Variants in ANXA10 observed in about 807,000 individuals in gnomAD.
ANXA10 encodes annexin A10, also known as annexin 14.
Under a neutral mutation model 53.5 loss-of-function variants are expected in ANXA10, and 49 were observed. The observed-to-expected ratio is 0.92, with a 90% CI of 0.73 to 1.16. The LOEUF (loss-of-function observed/expected upper bound fraction) is 1.16, where lower values mean the gene tolerates loss of function less well. Ranked by LOEUF, ANXA10 falls within the 50% of genes most tolerant of loss-of-function variation. The pLI, the probability that ANXA10 is intolerant of heterozygous loss-of-function variation, is 0.00. For synonymous variants in ANXA10, 131 were observed against 128.9 expected (o/e 1.02, Z -0.11); for missense variants, 393 against 394.4 (o/e 1.00, Z 0.03).
At position 168,168,892 on chromosome 4, in the gene ANXA10, G is replaced by C. The variant is rs72987485; in HGVS notation, c.480+3566G>C. 6.5e-3 allele frequency among the ~76,000 whole-genome samples: 988 copies of C among 152,230 alleles called. 10 individuals carry two copies. Among genetic ancestry groups the C allele is most frequent in the African/African-American group, 0.023 (935 of 41,542 alleles). The stretch of plus-strand genomic sequence containing the variant: ...GGAAGCATATATAAACAAAGAATTT[G>C]CTTTGTTGTGTTTGGTTTTGGTTTG... On this transcript the variant is annotated intron_variant, in intron 6 of 11. Coordinates refer to ENST00000359299, the MANE Select transcript of ANXA10 (RefSeq NM_007193.5).
chr4:168,104,033 G>T (rs749955306), intron 1 of ANXA10, among the ~76,000 whole-genome samples: 1 of 151,726 alleles, frequency 6.6e-6, no homozygotes, highest in African/African-American at 2.4e-5. Context: ...TTAGATGTAG[G>T]GTTTTTGTAG....
chr4:168,146,392 T>C (rs890259265), intron 3 of ANXA10, among the ~76,000 whole-genome samples: 4 of 152,196 alleles, frequency 2.6e-5, no homozygotes, highest in Non-Finnish European at 4.4e-5. Context: ...CAGAACTCTA[T>C]GAGGTAATCA....
chr4:168,141,150 C>G (rs1415298946), intron 3 of ANXA10, among the ~76,000 whole-genome samples: 1 of 152,168 alleles, frequency 6.6e-6, no homozygotes, highest in African/African-American at 2.4e-5. Flanking sequence ...CATATAAAGT[C>G]TCAGAGTTTG....
intron 1 of ANXA10, among the ~76,000 whole-genome samples, chr4:168,101,612 G>A (rs751120127): frequency 5.9e-5 from 9 of 151,686 alleles, no homozygotes; most frequent in African/African-American, 2.2e-4. Flanking sequence ...TCTCCAAAAC[G>A]CCCTGATTCC....
At chr4:168,154,310 T>C (rs1433604896) in intron 3 of ANXA10, among the ~76,000 whole-genome samples, 5 of 152,176 alleles carry the variant, frequency 3.3e-5, no homozygotes, top group Non-Finnish European at 7.4e-5. Flanking sequence ...CATTCATGTA[T>C]GTATTATTTA....
chr4:168,162,126 G>A (rs923204719), intron 3 of ANXA10, among the ~76,000 whole-genome samples: 1 of 152,076 alleles, frequency 6.6e-6, no homozygotes, highest in African/African-American at 2.4e-5. Flanking sequence ...CTGTTGCAAT[G>A]ATAAAATAAA....
intron 1 of ANXA10, among the ~76,000 whole-genome samples, chr4:168,102,528 C>T (rs751242546): frequency 6.6e-5 from 10 of 152,032 alleles, no homozygotes; most frequent in Non-Finnish European, 1.0e-4. Flanking sequence ...TGGCTTCCTC[C>T]GCTTAGTAGA....
At chr4:168,174,243 T>A (rs375286849) in intron 6 of ANXA10, among the ~76,000 whole-genome samples, 3 of 152,200 alleles carry the variant, frequency 2.0e-5, no homozygotes, top group African/African-American at 4.8e-5. Context: ...TGGCTCCACA[T>A]GCCCCCTTTA....
intron 1 of ANXA10, among the ~76,000 whole-genome samples, chr4:168,120,511 T>C (rs1452436950): frequency 6.6e-6 from 1 of 152,054 alleles, no homozygotes; most frequent in African/African-American, 2.4e-5. Context: ...TATATTTCTA[T>C]AAATTTATTG....
chr4:168,098,794 C>G (rs1239543517), intron 1 of ANXA10, among the ~76,000 whole-genome samples: 1 of 148,148 alleles, frequency 6.8e-6, no homozygotes, highest in African/African-American at 2.5e-5. Flanking sequence ...TGGAAGGAAC[C>G]AGAAAAAAAA....
chr4:168,145,344 TA>T (rs1464954214), intron 3 of ANXA10, among the ~76,000 whole-genome samples: 1 of 152,270 alleles, frequency 6.6e-6, no homozygotes, highest in African/African-American at 2.4e-5. Flanking sequence ...TGCTAACCCA[TA>T]ATTTCTAATC....
intron 1 of ANXA10, among the ~76,000 whole-genome samples, chr4:168,111,117 A>G (rs4692853): frequency 0.52 from 78,621 of 151,986 alleles, 21,165 homozygotes; most frequent in Non-Finnish European, 0.6. Flanking sequence ...AAGTTGCTGA[A>G]ATTTTAGAAT....
chr4:168,183,179 T>A (rs1732295173), intron 10 of ANXA10, among the ~76,000 whole-genome samples: 2 of 152,158 alleles, frequency 1.3e-5, no homozygotes, highest in South Asian at 4.1e-4. Context: ...CAGATATACT[T>A]CTTAAAAGTA....
chr4:168,172,476 C>T (rs527856930), intron 6 of ANXA10, among the ~76,000 whole-genome samples: 9 of 152,158 alleles, frequency 5.9e-5, no homozygotes, highest in Non-Finnish European at 1.2e-4. Flanking sequence ...AAAATCTTCC[C>T]ACATCCACTG....
chr4:168,175,528 ATC>A (rs1732110391), intron 6 of ANXA10, among the ~76,000 whole-genome samples: 1 of 152,190 alleles, frequency 6.6e-6, no homozygotes. Context: ...TTCACTTAAT[ATC>A]TCTAATTTTT....
intron 6 of ANXA10, among the ~76,000 whole-genome samples, chr4:168,171,763 C>T (rs6852626): frequency 2.4e-3 from 368 of 152,258 alleles, no homozygotes; most frequent in African/African-American, 8.4e-3. Flanking sequence ...GCTTTTATTA[C>T]ACAGATTTAT....
intron 2 of ANXA10, among the ~76,000 whole-genome samples, chr4:168,136,821 A>AT (rs1273829272): frequency 6.6e-6 from 1 of 152,084 alleles, no homozygotes; most frequent in Non-Finnish European, 1.5e-5. Flanking sequence ...CCAACCCCAC[A>AT]TTTTTCCCCC....
intron 3 of ANXA10, among the ~76,000 whole-genome samples, chr4:168,145,067 T>C (rs761019065): frequency 4.6e-5 from 7 of 152,128 alleles, no homozygotes; most frequent in Non-Finnish European, 7.4e-5. Flanking sequence ...AATGAAATCA[T>C]AGGGAGTCAA....
intron 3 of ANXA10, 78 bp from the exon 4 acceptor site, chr4:168,162,450 A>G (rs1197369502): frequency 5.0e-6 from 5 of 996,020 alleles, no homozygotes; most frequent in Non-Finnish European, 7.8e-6. Context: ...GAAAATATTA[A>G]AAGACTTTCT....
Sources: gnomAD v4.1 joint callset for allele counts (sites outside exome capture counted in the v4.1 genomes callset) on GRCh38, gnomAD v4.1.1 for gene constraint, MANE v1.5 for transcripts, NCBI Gene and HGNC (gene_info 2026-07-23, HGNC 2026-07-21) for gene names.